The following SNRNP48 variants were observed in gnomAD, a reference collection of about 807,000 sequenced individuals.
SNRNP48 encodes the protein U11/U12 small nuclear ribonucleoprotein 48 kDa protein.
Under a neutral mutation model 47.0 loss-of-function variants are expected in SNRNP48, and 43 were observed. The ratio of observed to expected loss-of-function variants is 0.92; its 90% confidence interval spans 0.72 to 1.18. The LOEUF is 1.18. Among genes scored for constraint, SNRNP48 ranks in the 50% most tolerant of loss-of-function variants. The pLI is 0.00. For missense variants in SNRNP48, 396 were observed against 422.2 expected (o/e 0.94, Z 0.54); for synonymous variants, 138 against 144.0 (o/e 0.96, Z 0.30).
At chr6:7,599,908 T>G in intron 4 of SNRNP48, 1 of 1,002,636 alleles carries the variant, frequency 1.0e-6, no homozygotes, top group Non-Finnish European at 1.2e-6. Context: ...AAGGCTAAAA[T>G]AATTTAAGAA....
At chr6:7,603,832 C>T (rs528702372) in intron 6 of SNRNP48, among the ~76,000 whole-genome samples, 23 of 152,324 alleles carry the variant, frequency 1.5e-4, no homozygotes, top group African/African-American at 4.8e-4. Context: ...CCCTAAGATA[C>T]TTGGCTCATC....
At chr6:7,598,621 T>G (rs908673161) in intron 4 of SNRNP48, among the ~76,000 whole-genome samples, 2 of 152,260 alleles carry the variant, frequency 1.3e-5, no homozygotes. Context: ...AGGACTTTCT[T>G]TAAATATCTT....
chr6:7,606,344 C>A, intron 8 of SNRNP48, 149 bp downstream of exon 8: 1 of 792,202 alleles, frequency 1.3e-6, no homozygotes, highest in Non-Finnish European at 1.9e-6. Context: ...TCTTAACATT[C>A]ATTATAGTTC....
At chr6:7,590,552 GGACCC>G in intron 1 of SNRNP48, 139 bp downstream of exon 1, 1 of 1,030,076 alleles carries the variant, frequency 9.7e-7, no homozygotes, top group Non-Finnish European at 1.2e-6. Flanking sequence ...TGGGCGCCTG[GGACCC>G]GAGGGGCGCC....
intron 4 of SNRNP48, among the ~76,000 whole-genome samples, chr6:7,598,613 G>A (rs1303127048): frequency 1.3e-5 from 2 of 152,100 alleles, no homozygotes; most frequent in African/African-American, 4.8e-5. Context: ...CTCAGGACAG[G>A]ACTTTCTTTA....
At chr6:7,600,225 C>T in intron 4 of SNRNP48, 2 of 984,176 alleles carry the variant, frequency 2.0e-6, no homozygotes, top group Non-Finnish European at 2.4e-6. Flanking sequence ...TTCACTGCAG[C>T]TCTCCTCTTA....
At chr6:7,596,918 A>G (rs1268782069) in intron 4 of SNRNP48, among the ~76,000 whole-genome samples, 1 of 152,216 alleles carries the variant, frequency 6.6e-6, no homozygotes, top group African/African-American at 2.4e-5. Flanking sequence ...ACTGAATTTT[A>G]GAGTTGAAAG....
chr6:7,606,018 T>G lies in SNRNP48; in HGVS notation c.807-13T>G. On this transcript the variant is annotated splice_polypyrimidine_tract_variant and intron_variant, in intron 7 of 8. Coordinates refer to ENST00000342415, the MANE Select transcript of SNRNP48 (RefSeq NM_152551.4). The stretch of plus-strand genomic sequence containing the variant: ...GTAACACAAACTGATTAACATTCTT[T>G]TCTGTGTTTTAGGAATGAAGAAAGG... 6.3e-7 allele frequency: 1 copy of G among 1,588,964 alleles called. No individual in the cohort carries two copies. The highest frequency in any genetic ancestry group is 8.5e-7 in the Non-Finnish European group (1 of 1,172,396).
chr6:7,594,933 G>A (rs1431765014), intron 3 of SNRNP48, 94 bp from the exon 4 acceptor site: 15 of 1,018,520 alleles, frequency 1.5e-5, no homozygotes, highest in East Asian at 2.8e-5. Flanking sequence ...GTTTGTCCAC[G>A]TGCCCAAAGG....
At chr6:7,608,786 A>G (rs1760178842) in intron 8 of SNRNP48, 39 bp from the exon 9 acceptor site, 11 of 1,269,130 alleles carry the variant, frequency 8.7e-6, no homozygotes, top group African/African-American at 1.5e-5. Flanking sequence ...TAAAATGTCC[A>G]TCATTTATAA....
intron 6 of SNRNP48, among the ~76,000 whole-genome samples, chr6:7,604,109 G>C (rs1760082837): frequency 6.6e-6 from 1 of 152,188 alleles, no homozygotes; most frequent in Admixed American, 6.5e-5. Flanking sequence ...TTGCCTATGT[G>C]GTGGAGCCTG....
At chr6:7,605,714 A>G (rs1437178498) in intron 7 of SNRNP48, among the ~76,000 whole-genome samples, 1 of 152,206 alleles carries the variant, frequency 6.6e-6, no homozygotes, top group Admixed American at 6.5e-5. Context: ...AAATATTCAA[A>G]TAGCAAAACA....
chr6:7,597,466 A>G (rs1759923549), intron 4 of SNRNP48, among the ~76,000 whole-genome samples: 1 of 152,212 alleles, frequency 6.6e-6, no homozygotes, highest in Admixed American at 6.5e-5. Context: ...GCTTGGCCAT[A>G]TATTAATGAT....
chr6:7,594,463 A>T (rs532122784), intron 3 of SNRNP48, among the ~76,000 whole-genome samples: 1 of 152,212 alleles, frequency 6.6e-6, no homozygotes, highest in African/African-American at 2.4e-5. Flanking sequence ...GAGACTGAAG[A>T]TGGACATGTG....
At position 7,595,348 on chromosome 6, in the gene SNRNP48, G is replaced by T. The variant is rs534756704; in HGVS notation, c.406+247G>T. Among the ~76,000 whole-genome samples, 69 of 151,684 alleles carry T rather than the reference G, an allele frequency of 4.5e-4. 1 individual carries two copies. The highest frequency in any genetic ancestry group is 1.6e-3 in the African/African-American group (65 of 41,250). The stretch of plus-strand genomic sequence containing the variant: ...GGTTCATCCTTTGGAATTACCTGGC[G>T]ATTTATAGGTGAGATTGTCTTGTGG... On this transcript the variant is annotated intron_variant, in intron 4 of 8. Transcript: ENST00000342415.
chr6:7,598,476 C>G (rs901602176), intron 4 of SNRNP48, among the ~76,000 whole-genome samples: 1 of 151,982 alleles, frequency 6.6e-6, no homozygotes, highest in East Asian at 1.9e-4. Flanking sequence ...GTCTGGACGA[C>G]AGGGTGAGAC....
intron 8 of SNRNP48, among the ~76,000 whole-genome samples, chr6:7,608,328 G>A (rs996753122): frequency 3.3e-5 from 5 of 152,202 alleles, no homozygotes; most frequent in African/African-American, 1.2e-4. Context: ...AGGCCAAGGC[G>A]GGTGGATCAC....
intron 3 of SNRNP48, among the ~76,000 whole-genome samples, chr6:7,594,470 T>C (rs1759869401): frequency 6.6e-6 from 1 of 152,160 alleles, no homozygotes; most frequent in Non-Finnish European, 1.5e-5. Flanking sequence ...AAGATGGACA[T>C]GTGTTCCAGG....
At chr6:7,590,478 G>A in intron 1 of SNRNP48, 65 bp downstream of exon 1, 1 of 1,252,100 alleles carries the variant, frequency 8.0e-7, no homozygotes. Context: ...TGGAAGAAGG[G>A]AGATCCGCAC....
Sources: allele counts gnomAD v4.1 joint callset (sites outside exome capture counted in the v4.1 genomes callset), GRCh38; gene constraint gnomAD v4.1.1; transcripts MANE v1.5; gene names NCBI Gene and HGNC (gene_info 2026-07-23, HGNC 2026-07-21).